The following BCHE variants were observed in gnomAD, a reference collection of about 807,000 sequenced individuals.
The protein encoded by BCHE is butyrylcholinesterase, also known as cholinesterase.
In BCHE, 48 loss-of-function variants were observed where a neutral mutation model predicts 51.3. The ratio of observed to expected loss-of-function variants is 0.94; its 90% CI spans 0.74 to 1.19. The LOEUF (loss-of-function observed/expected upper bound fraction) is 1.19. BCHE is among the 50% of genes most tolerant of loss of function. BCHE has a pLI of 0.00. For synonymous variants in BCHE, 251 were observed against 238.0 expected (o/e 1.05, Z -0.50); for missense variants, 847 against 708.2 (o/e 1.20, Z -2.23).
In BCHE at chr3:165,830,981, A is replaced by T; in HGVS notation, c.53T>A (p.Leu18Ter). Residue 18 changes from leucine (L) to a stop codon, truncating the protein, a stop_gained, in exon 2 of 4, where the codon TTG (leucine) becomes TAG (stop). Transcript: ENST00000264381. LOFTEE classifies it high-confidence loss of function. ...ICIRFLFWFL[L>*]LCMLIGKSHT... is the part of the protein sequence containing the mutation. The stretch of plus-strand genomic sequence containing the variant: ...TGACTTCCCAATAAGCATGCAGAGC[A>T]AAAGAAACCAAAAGAGAAATCTGAT... 2.5e-6 allele frequency: 4 copies of T among 1,613,754 alleles called. No homozygotes were observed. The South Asian group carries it at 3.3e-5, about 13-fold the overall frequency.
intron 3 of BCHE, among the ~76,000 whole-genome samples, chr3:165,779,345 T>C (rs1302339848): frequency 6.6e-6 from 1 of 152,102 alleles, no homozygotes; most frequent in African/African-American, 2.4e-5. Flanking sequence ...CTGGAAGCAT[T>C]CCCTTTGAAA....
rs1315800052 is a variant in BCHE at position 165,773,337 on chromosome 3, CT to C, written c.*44del. 1 of 1,569,682 alleles carries C rather than the reference CT, an allele frequency of 6.4e-7. No homozygotes were observed. Among genetic ancestry groups the C allele is most frequent in the South Asian group, 1.2e-5 (1 of 86,706 alleles). On this transcript the variant is annotated 3_prime_UTR_variant, in exon 4 of 4. Transcript: ENST00000264381. ...GTAAAAAAGCTCCTGATATTTTTGCCTTGATCTAAAGGAAAATATGTTCTAT... is the reference window on the plus strand; with the variant it reads ...GTAAAAAAGCTCCTGATATTTTTGCCTGATCTAAAGGAAAATATGTTCTAT...
chr3:165,821,425 A>C (rs943371221), intron 2 of BCHE, among the ~76,000 whole-genome samples: 7 of 151,762 alleles, frequency 4.6e-5, no homozygotes, highest in African/African-American at 1.7e-4. Flanking sequence ...AAAACATGGA[A>C]TGATTCCAAT....
intron 2 of BCHE, among the ~76,000 whole-genome samples, chr3:165,804,031 T>G (rs1713776871): frequency 6.9e-6 from 1 of 145,082 alleles, no homozygotes; most frequent in South Asian, 2.3e-4. Flanking sequence ...CAAAGGAGAC[T>G]AAAATGGTAA....
At chr3:165,805,860 T>C (rs1260416769) in intron 2 of BCHE, among the ~76,000 whole-genome samples, 2 of 152,146 alleles carry the variant, frequency 1.3e-5, no homozygotes, top group East Asian at 3.9e-4. Flanking sequence ...ATAACATTCA[T>C]TGATTTTCCT....
intron 2 of BCHE, among the ~76,000 whole-genome samples, chr3:165,808,678 T>C (rs552536144): frequency 1.3e-5 from 2 of 152,156 alleles, no homozygotes; most frequent in South Asian, 4.1e-4. Context: ...TTGAGAGGAT[T>C]GTTTGAGCTC....
At chr3:165,792,533 G>C (rs1412179443) in intron 2 of BCHE, among the ~76,000 whole-genome samples, 1 of 152,006 alleles carries the variant, frequency 6.6e-6, no homozygotes, top group Non-Finnish European at 1.5e-5. Context: ...TAAAATAATT[G>C]GGAGAAAAGA....
intron 2 of BCHE, among the ~76,000 whole-genome samples, chr3:165,797,884 A>C (rs1713481217): frequency 6.6e-6 from 1 of 152,184 alleles, no homozygotes; most frequent in Non-Finnish European, 1.5e-5. Flanking sequence ...ATTAGAAAAG[A>C]CTTGGGAAAT....
chr3:165,780,440 C>A (rs768458586), intron 3 of BCHE, among the ~76,000 whole-genome samples: 12 of 152,242 alleles, frequency 7.9e-5, no homozygotes, highest in Middle Eastern at 3.4e-3. Context: ...AGCTTTTGCA[C>A]AGCAAAATAA....
intron 2 of BCHE, among the ~76,000 whole-genome samples, chr3:165,810,912 G>T (rs948221098): frequency 3.3e-5 from 5 of 152,080 alleles, no homozygotes; most frequent in African/African-American, 1.2e-4. Flanking sequence ...ACAGAGGTTT[G>T]GCTCAAGATT....
intron 2 of BCHE, among the ~76,000 whole-genome samples, chr3:165,798,579 T>C (rs1253754223): frequency 6.6e-6 from 1 of 152,106 alleles, no homozygotes; most frequent in Non-Finnish European, 1.5e-5. Flanking sequence ...GGTAGGTGAA[T>C]TTTCAAATCT....
chr3:165,787,991 C>A (rs984994484), intron 2 of BCHE, among the ~76,000 whole-genome samples: 13 of 151,928 alleles, frequency 8.6e-5, no homozygotes, highest in African/African-American at 2.9e-4. Context: ...TATGCTAAAT[C>A]ATATTAAGAA....
At chr3:165,774,585 C>A (rs1240487621) in intron 3 of BCHE, among the ~76,000 whole-genome samples, 3 of 152,156 alleles carry the variant, frequency 2.0e-5, no homozygotes, top group African/African-American at 7.2e-5. Context: ...GGTGATCCAC[C>A]TGCCTCAGCC....
chr3:165,803,744 A>G (rs934490220), intron 2 of BCHE, among the ~76,000 whole-genome samples: 1 of 152,102 alleles, frequency 6.6e-6, no homozygotes, highest in African/African-American at 2.4e-5. Context: ...TTTTTTTTTA[A>G]CTGAAGTGGG....
chr3:165,786,298 T>C lies in BCHE; in HGVS notation c.1531A>G (p.Thr511Ala). Residue 511 changes from threonine to alanine, a missense_variant, in exon 3 of 4, where the codon ACT becomes GCT. Thr to Ala is a moderately conservative substitution (Grantham distance 58). Coordinates refer to ENST00000264381, the MANE Select transcript of BCHE (RefSeq NM_000055.4). The part of the protein sequence containing the change: ...NFAKYGNPNE[T>A]QNNSTSWPVF... Reference sequence around the variant, plus strand: ...GGCCAGCTTGTGCTATTGTTCTGAGTCTCATTTGGATTCCTAAATAATAAA... The same window carrying C: ...GGCCAGCTTGTGCTATTGTTCTGAGCCTCATTTGGATTCCTAAATAATAAA... 1 of 1,611,026 alleles carries C rather than the reference T, an allele frequency of 6.2e-7. No individual in the cohort carries two copies. Among genetic ancestry groups the C allele is most frequent in the South Asian group, 1.1e-5 (1 of 90,956 alleles).
At chr3:165,788,151 C>T (rs1713028251) in intron 2 of BCHE, among the ~76,000 whole-genome samples, 1 of 151,752 alleles carries the variant, frequency 6.6e-6, no homozygotes, top group Non-Finnish European at 1.5e-5. Flanking sequence ...TGGCCAAAGT[C>T]TCTAAGTCCA....
intron 2 of BCHE, among the ~76,000 whole-genome samples, chr3:165,827,400 T>C (rs943793467): frequency 1.3e-5 from 2 of 151,592 alleles, no homozygotes; most frequent in Non-Finnish European, 2.9e-5. Context: ...AATTTTTATT[T>C]ATTTCCCATT....
At position 165,830,846 on chromosome 3, in the gene BCHE, T is replaced by A; in HGVS notation, c.188A>T (p.Gln63Leu). Reference protein sequence around the residue: ...VTAFLGIPYAQPPLGRLRFKK... With the variant: ...VTAFLGIPYALPPLGRLRFKK... ...GAATCGAAGTCTACCAAGAGGTGGCTGTGCATAGGGAATTCCAAGAAAGGC... is the reference window on the plus strand; with the variant it reads ...GAATCGAAGTCTACCAAGAGGTGGCAGTGCATAGGGAATTCCAAGAAAGGC... Residue 63 changes from glutamine to leucine, a missense_variant, in exon 2 of 4, where the codon CAG becomes CTG. By Grantham distance (113) the Gln-to-Leu change is moderately radical. Coordinates refer to ENST00000264381, the MANE Select transcript of BCHE (RefSeq NM_000055.4). 6.2e-7 allele frequency: 1 copy of A among 1,613,988 alleles called. No homozygotes were observed. Among genetic ancestry groups the A allele is most frequent in the East Asian group, 2.2e-5 (1 of 44,872 alleles).
At position 165,830,341 on chromosome 3, in the gene BCHE, T is replaced by G. The variant is rs751675958; in HGVS notation, c.693A>C (p.Ser231=). 5.6e-6 allele frequency: 9 copies of G among 1,614,024 alleles called. 1 individual carries two copies. In the South Asian group the frequency reaches 9.9e-5, roughly 18 times the overall value. ...CAGGAGAAAGCAAATGCAGGCTAAC[T>G]GAAGCTGCTCCTGCACTTTCTCCAA... ...TLFGESAGAA[S]VSLHLLSPGS... Residue 231 remains serine, a synonymous_variant, in exon 2 of 4, where the codon TCA becomes TCC. Transcript: ENST00000264381.
Sources: allele counts gnomAD v4.1 joint callset (sites outside exome capture counted in the v4.1 genomes callset), GRCh38; gene constraint gnomAD v4.1.1; transcripts MANE v1.5; gene names NCBI Gene and HGNC (gene_info 2026-07-23, HGNC 2026-07-21).